The following AFF3 variants were observed in gnomAD, a reference collection of about 807,000 sequenced individuals.
AFF3 encodes AF4/FMR2 family member 3.
A neutral mutation model predicts 129.7 loss-of-function variants in AFF3; 32 were observed. That is an observed-to-expected ratio of 0.25 (90% CI 0.19 to 0.33). AFF3 has a LOEUF of 0.33. AFF3 is among the 10% of genes least tolerant of loss of function. The probability of loss-of-function intolerance (pLI) is 1.00; values close to 1 mark genes in which losing one functional copy is unlikely to be tolerated. For synonymous variants in AFF3, 644 were observed against 635.4 expected (o/e 1.01, Z -0.20); for missense variants, 1,373 against 1,592.0 (o/e 0.86, Z 2.34).
chr2:99,981,738 T>C (rs1372938751), intron 7 of AFF3, among the ~76,000 whole-genome samples: 15 of 152,200 alleles, frequency 9.9e-5, no homozygotes, highest in Admixed American at 9.8e-4. Flanking sequence ...CTTCATATCT[T>C]AAGGATATTA....
intron 8 of AFF3, among the ~76,000 whole-genome samples, chr2:99,817,786 C>T (rs1044682006): frequency 1.3e-5 from 2 of 152,116 alleles, no homozygotes; most frequent in East Asian, 1.9e-4. Context: ...CTTCCATTGT[C>T]GGAGAAGAAA....
chr2:100,058,793 TA>T (rs1559094479), intron 4 of AFF3, among the ~76,000 whole-genome samples: 2 of 152,080 alleles, frequency 1.3e-5, no homozygotes, highest in South Asian at 4.1e-4. Context: ...AGTACAAGTA[TA>T]AAAAAGTTTT....
chr2:99,692,653 A>G (rs538130523), intron 11 of AFF3, among the ~76,000 whole-genome samples: 2 of 152,300 alleles, frequency 1.3e-5, no homozygotes, highest in East Asian at 3.9e-4. Flanking sequence ...TCACTCCTCT[A>G]GAAGTCCACC....
intron 8 of AFF3, 97 bp downstream of exon 8, chr2:99,837,380 C>A: frequency 8.4e-7 from 1 of 1,196,378 alleles, no homozygotes; most frequent in Non-Finnish European, 1.2e-6. Context: ...TGTCAAACCA[C>A]AGACTATGGG....
At chr2:99,571,491 T>G (rs956758187) in intron 18 of AFF3, among the ~76,000 whole-genome samples, 3 of 152,228 alleles carry the variant, frequency 2.0e-5, no homozygotes, top group Non-Finnish European at 4.4e-5. Flanking sequence ...TAGGGGCATA[T>G]TTTTAAATCC....
intron 13 of AFF3, among the ~76,000 whole-genome samples, chr2:99,604,049 T>C (rs1164428369): frequency 1.3e-5 from 2 of 152,188 alleles, no homozygotes; most frequent in Non-Finnish European, 2.9e-5. Context: ...TCAACCATTG[T>C]GGAAGACAGT....
At chr2:99,814,897 T>C (rs1054868530) in intron 8 of AFF3, among the ~76,000 whole-genome samples, 1 of 151,006 alleles carries the variant, frequency 6.6e-6, no homozygotes, top group African/African-American at 2.4e-5. Flanking sequence ...TCACCCAGGA[T>C]GGAGTGCAGT....
At chr2:99,862,025 T>C (rs746270727) in intron 7 of AFF3, among the ~76,000 whole-genome samples, 40 of 152,248 alleles carry the variant, frequency 2.6e-4, no homozygotes, top group Middle Eastern at 3.4e-3. Flanking sequence ...GAAAGATGTT[T>C]TAGTCTCCAC....
chr2:99,999,171 T>C lies in AFF3; in HGVS notation c.873+7461A>G, dbSNP rs150928013. On this transcript the variant is annotated intron_variant, in intron 7 of 24. Coordinates refer to ENST00000672756, the MANE Select transcript of AFF3 (RefSeq NM_001386135.1). ...CAGAGCACTGCCTGTTAAGTGTTTG[T>C]TTCTGAGGCCAGCATCTAGCTCTAT... is the stretch of plus-strand genomic sequence containing the variant. Among the ~76,000 whole-genome samples the C allele has an allele frequency of 3.3e-5, 5 of 152,360 alleles. No homozygotes were observed. The East Asian group carries it at 9.7e-4, about 29-fold the overall frequency.
At chr2:100,040,555 T>C (rs1407538619) in intron 4 of AFF3, among the ~76,000 whole-genome samples, 1 of 152,144 alleles carries the variant, frequency 6.6e-6, no homozygotes, top group African/African-American at 2.4e-5. Flanking sequence ...ATCAGTTACA[T>C]CAGAGGACCA....
chr2:99,558,804 A>T (rs1675195350), intron 22 of AFF3, 71 bp downstream of exon 22: 2 of 1,446,206 alleles, frequency 1.4e-6, no homozygotes, highest in East Asian at 2.3e-5. Context: ...GGAGTCTACC[A>T]GGTGCTTCAC....
At chr2:99,811,462 G>A (rs1686784487) in intron 8 of AFF3, among the ~76,000 whole-genome samples, 1 of 151,806 alleles carries the variant, frequency 6.6e-6, no homozygotes, top group African/African-American at 2.4e-5. Context: ...TATTCAAACC[G>A]AGGCATGTGG....
chr2:99,870,400 G>C (rs975530971), intron 7 of AFF3, among the ~76,000 whole-genome samples: 1 of 152,218 alleles, frequency 6.6e-6, no homozygotes, highest in Non-Finnish European at 1.5e-5. Flanking sequence ...CCCACAGCAG[G>C]TGGAGGAGAG....
chr2:99,935,578 G>C (rs1052582097), intron 7 of AFF3, among the ~76,000 whole-genome samples: 4 of 152,216 alleles, frequency 2.6e-5, no homozygotes, highest in African/African-American at 9.6e-5. Context: ...AGTGTGCAGA[G>C]ATGGTGGGCC....
intron 4 of AFF3, among the ~76,000 whole-genome samples, chr2:100,031,381 G>A (rs1684476094): frequency 6.6e-6 from 1 of 152,212 alleles, no homozygotes; most frequent in Admixed American, 6.5e-5. Context: ...ACATCAGGAT[G>A]AACTCAGTAG....
intron 7 of AFF3, among the ~76,000 whole-genome samples, chr2:99,964,075 C>A (rs1418324479): frequency 6.6e-6 from 1 of 151,940 alleles, no homozygotes; most frequent in African/African-American, 2.4e-5. Flanking sequence ...GAAGGTGTAA[C>A]AATCCTAAAA....
chr2:99,644,534 G>C (rs1380041015), intron 13 of AFF3, among the ~76,000 whole-genome samples: 1 of 152,204 alleles, frequency 6.6e-6, no homozygotes, highest in Non-Finnish European at 1.5e-5. Context: ...TGCTCGCTGA[G>C]AGCAGCGCTG....
rs562175602 is a variant in AFF3 at position 100,100,634 on chromosome 2, T to G, written c.53+3768A>C. Among the ~76,000 whole-genome samples, 9 of 152,348 alleles carry G rather than the reference T, an allele frequency of 5.9e-5. No homozygotes were observed. In the South Asian group the frequency reaches 1.9e-3, roughly 32 times the overall value. The stretch of plus-strand genomic sequence containing the variant: ...TGTGTTCTTGTCTTAATTTCCTCAC[T>G]TGACAATAACACTAATATGTACAAC... On this transcript the variant is annotated intron_variant, in intron 4 of 24. Coordinates refer to ENST00000672756, the MANE Select transcript of AFF3 (RefSeq NM_001386135.1).
intron 2 of AFF3, among the ~76,000 whole-genome samples, chr2:100,125,082 G>A (rs1047471695): frequency 3.9e-5 from 6 of 152,322 alleles, no homozygotes; most frequent in Admixed American, 2.6e-4. Flanking sequence ...GGGATAGAAC[G>A]TGGAGAAGAG....
Sources: allele counts gnomAD v4.1 joint callset (sites outside exome capture counted in the v4.1 genomes callset), GRCh38; gene constraint gnomAD v4.1.1; transcripts MANE v1.5; gene names NCBI Gene and HGNC (gene_info 2026-07-23, HGNC 2026-07-21).